ITPA: variants seen among roughly 807,000 people sequenced by gnomAD.
ITPA encodes the protein inosine triphosphatase, also known as inosine triphosphate pyrophosphatase.
In ITPA, 29 loss-of-function variants were observed where a neutral mutation model predicts 29.6. The ratio of observed to expected loss-of-function variants is 0.98; its 90% CI spans 0.73 to 1.34. The LOEUF is 1.34. Among genes scored for constraint, ITPA ranks in the 40% most tolerant of loss-of-function variants. The pLI is 0.00. For synonymous variants in ITPA, 103 were observed against 99.3 expected (o/e 1.04, Z -0.22); for missense variants, 241 against 251.5 (o/e 0.96, Z 0.28).
At chr20:3,217,986 C>G (rs1376618797) in intron 5 of ITPA, among the ~76,000 whole-genome samples, 2 of 151,402 alleles carry the variant, frequency 1.3e-5, no homozygotes, top group South Asian at 4.2e-4. Context: ...GGCCCGATCT[C>G]GGCTCACTGC....
chr20:3,212,923 T>C (rs1468621095), intron 1 of ITPA, among the ~76,000 whole-genome samples: 1 of 150,090 alleles, frequency 6.7e-6, no homozygotes, highest in Non-Finnish European at 1.5e-5. Flanking sequence ...AAGAGAAGAG[T>C]GTGTTCTGGA....
At chr20:3,218,449 G>A (rs1393087709) in intron 5 of ITPA, 68 bp from the exon 6 acceptor site, 10 of 1,104,074 alleles carry the variant, frequency 9.1e-6, no homozygotes, top group Non-Finnish European at 1.4e-6. Context: ...ACCCTTAGTG[G>A]GCGTCTTGGG....
At chr20:3,221,603 G>T in intron 6 of ITPA, 1 of 619,446 alleles carries the variant, frequency 1.6e-6, no homozygotes, top group Non-Finnish European at 2.9e-6. Context: ...GGCCCCGGAG[G>T]TGCTGGTGGT....
chr20:3,222,366 G>A (rs140255848), intron 7 of ITPA, among the ~76,000 whole-genome samples: 465 of 152,104 alleles, frequency 3.1e-3, no homozygotes, highest in Middle Eastern at 6.8e-3. Flanking sequence ...ACGCACCACC[G>A]TGCTCAGCTA....
upstream of ITPA, among the ~76,000 whole-genome samples, chr20:3,207,445 G>C (rs946691909): frequency 1.3e-5 from 2 of 152,164 alleles, no homozygotes. Flanking sequence ...TGTAATCTCA[G>C]CACTTTGGGA....
upstream of ITPA, chr20:3,204,788 G>T: frequency 1.5e-6 from 1 of 647,342 alleles, no homozygotes; most frequent in South Asian, 2.0e-5. Flanking sequence ...GAGTTTGGGG[G>T]GTGTAAAGAA....
intron 6 of ITPA, 34 bp from the exon 7 acceptor site, chr20:3,221,807 C>A (rs766359883): frequency 1.2e-6 from 2 of 1,603,960 alleles, no homozygotes; most frequent in Admixed American, 1.7e-5. Flanking sequence ...CCTCTGGACC[C>A]AGTTACACAC....
intron 4 of ITPA, among the ~76,000 whole-genome samples, chr20:3,214,573 T>TTTTAA (rs1304476178): frequency 1.3e-5 from 2 of 150,680 alleles, no homozygotes; most frequent in Admixed American, 6.6e-5. Context: ...TTTTTAATTA[T>TTTTAA]TTTATTTTAT....
downstream of ITPA, among the ~76,000 whole-genome samples, chr20:3,224,260 G>A (rs148325006): frequency 5.3e-5 from 8 of 152,334 alleles, no homozygotes; most frequent in Non-Finnish European, 1.2e-4. Flanking sequence ...CGGCGTGATC[G>A]CCACAGTTCA....
At chr20:3,224,118 G>A (rs2067533142), downstream of ITPA, among the ~76,000 whole-genome samples, 1 of 152,196 alleles carries the variant, frequency 6.6e-6, no homozygotes, top group Non-Finnish European at 1.5e-5. Context: ...TGGGTTGGGG[G>A]CTGGGTAGTG....
upstream of ITPA, among the ~76,000 whole-genome samples, chr20:3,205,059 C>A (rs1171253772): frequency 1.3e-5 from 2 of 151,936 alleles, no homozygotes; most frequent in African/African-American, 2.4e-5. Flanking sequence ...ACCGTGTTGG[C>A]CAGGCTGGTC....
upstream of ITPA, chr20:3,204,713 G>T: frequency 1.5e-6 from 2 of 1,345,018 alleles, no homozygotes; most frequent in Non-Finnish European, 2.0e-6. Flanking sequence ...TCTAGACTCC[G>T]CCCACTACTC....
chr20:3,223,904 G>GC (rs2067530412), downstream of ITPA: 1 of 156,254 alleles, frequency 6.4e-6, no homozygotes, highest in Non-Finnish European at 1.4e-5. Flanking sequence ...TTTGGCAGGT[G>GC]CAGGAAGTTT....
intron 7 of ITPA, among the ~76,000 whole-genome samples, chr20:3,222,221 CTT>C (rs1185986418): frequency 1.6e-4 from 22 of 137,916 alleles, no homozygotes; most frequent in African/African-American, 1.9e-4. Context: ...GTACATCTGA[CTT>C]TTTTTTTTTT....
chr20:3,217,395 C>T (rs1305372381), intron 5 of ITPA, among the ~76,000 whole-genome samples: 1 of 152,166 alleles, frequency 6.6e-6, no homozygotes, highest in Non-Finnish European at 1.5e-5. Flanking sequence ...TATTTTTCCT[C>T]AGTCCAGTAT....
intron 1 of ITPA, among the ~76,000 whole-genome samples, chr20:3,210,207 A>C (rs1440308722): frequency 6.6e-6 from 1 of 152,216 alleles, no homozygotes; most frequent in Non-Finnish European, 1.5e-5. Flanking sequence ...AGCAAGTAAC[A>C]GAAACACACA....
At chr20:3,226,936 C>T (rs189994006), downstream of ITPA, among the ~76,000 whole-genome samples, 2 of 152,322 alleles carry the variant, frequency 1.3e-5, no homozygotes, top group Admixed American at 1.3e-4. The surrounding 1 kb of genome is among the most constrained non-coding windows in gnomAD (Gnocchi z 4.4). Flanking sequence ...CGTGTCCTGC[C>T]GTCGGCAGTC....
upstream of ITPA, among the ~76,000 whole-genome samples, chr20:3,208,102 T>A (rs560092461): frequency 6.6e-6 from 1 of 152,174 alleles, no homozygotes; most frequent in African/African-American, 2.4e-5. Flanking sequence ...AATATCTATT[T>A]GCAGTGCAGA....
chr20:3,216,182 CA>C (rs1188611711), intron 5 of ITPA, among the ~76,000 whole-genome samples: 1 of 102,648 alleles, frequency 9.7e-6, no homozygotes, highest in Non-Finnish European at 1.8e-5. Context: ...TTTTTTGAGA[CA>C]AAGTCTTGCT....
Sources: gnomAD v4.1 joint callset for allele counts (sites outside exome capture counted in the v4.1 genomes callset) on GRCh38, gnomAD v4.1.1 for gene constraint, Gnocchi (gnomAD v3.1) non-coding constraint, MANE v1.5 for transcripts, NCBI Gene and HGNC (gene_info 2026-07-23, HGNC 2026-07-21) for gene names.